The following RNF41 variants were observed in gnomAD, a reference collection of about 807,000 sequenced individuals.
The protein encoded by RNF41 is ring finger protein 41, also known as E3 ubiquitin-protein ligase NRDP1.
A neutral mutation model predicts 33.0 loss-of-function variants in RNF41; 4 were observed. The ratio of observed to expected loss-of-function variants is 0.12; its 90% confidence interval spans 0.06 to 0.28. The LOEUF (loss-of-function observed/expected upper bound fraction) is 0.28. RNF41 is among the 10% of genes least tolerant of loss of function. The probability of loss-of-function intolerance (pLI) is 1.00; values close to 1 mark genes in which losing one functional copy is unlikely to be tolerated. For synonymous variants in RNF41, 164 were observed against 153.2 expected (o/e 1.07, Z -0.52); for missense variants, 228 against 432.6 (o/e 0.53, Z 4.19).
chr12:56,203,062 T>TA lies in RNF41; in HGVS notation c.*3384_*3385insT, dbSNP rs1878658528. The TA allele has an allele frequency of 2.0e-4, 1 of 4,958 alleles. No homozygotes were observed. The highest frequency in any genetic ancestry group is 0.016 in the Admixed American group (1 of 64). The allele number at this position is 4,958 out of a possible 1,614,324, so 0.3% of individuals were successfully genotyped here. On this transcript the variant is annotated 3_prime_UTR_variant, in exon 7 of 7. Coordinates refer to ENST00000345093, the MANE Select transcript of RNF41 (RefSeq NM_005785.4). ...AGCGCAGACTCAGCACAGAAATGCC[T>TA]TTTTTTTTTTTTTCAAGCCACTAGA...
chr12:56,206,810 T>C lies in RNF41; in HGVS notation c.603-12A>G. On this transcript the variant is annotated splice_polypyrimidine_tract_variant and intron_variant, in intron 6 of 6. Coordinates refer to ENST00000345093, the MANE Select transcript of RNF41 (RefSeq NM_005785.4). This position sits in a 1 kb window ranked among gnomAD's most constrained non-coding sequence, Gnocchi z 5.7. ...GGGAGTTCACCCACCTGTGTGGAGGTGGTTAAAGATGGTCATTCCAGCTCA... is the reference window on the plus strand; with the variant it reads ...GGGAGTTCACCCACCTGTGTGGAGGCGGTTAAAGATGGTCATTCCAGCTCA... 6.3e-7 allele frequency: 1 copy of C among 1,577,908 alleles called. No individual in the cohort carries two copies. The highest frequency in any genetic ancestry group is 1.4e-5 in the African/African-American group (1 of 73,990).
intron 2 of RNF41, among the ~76,000 whole-genome samples, chr12:56,214,839 GA>G (rs1007648703): frequency 2.0e-5 from 3 of 151,486 alleles, no homozygotes. Context: ...AAAAAAAAAA[GA>G]AAAAAAGAAA....
At chr12:56,214,182 G>A in intron 2 of RNF41, 112 bp from the exon 3 acceptor site, 2 of 698,906 alleles carry the variant, frequency 2.9e-6, no homozygotes, top group Non-Finnish European at 2.6e-6. Flanking sequence ...TTTACTGGGA[G>A]TCTACTATGC....
Position 56,204,142 on chromosome 12 carries a change from A to C in RNF41, c.*2305T>G, listed in dbSNP as rs1463366945. 2.0e-5 allele frequency: 3 copies of C among 152,216 alleles called. No homozygotes were observed. Among genetic ancestry groups the C allele is most frequent in the Non-Finnish European group, 4.4e-5 (3 of 68,042 alleles). The allele number at this position is 152,216 out of a possible 1,614,324, so 9.4% of individuals were successfully genotyped here. A position where few individuals can be genotyped will look rare whatever the true frequency, so the allele number is the denominator to read the frequency against. ...CAAAGGAATTCTAGATTCTAAAGCA[A>C]AGTTGCTTGTGGGACAAAGGAAAAA... On this transcript the variant is annotated 3_prime_UTR_variant, in exon 7 of 7. Coordinates refer to ENST00000345093, the MANE Select transcript of RNF41 (RefSeq NM_005785.4).
chr12:56,208,865 CTTTTT>C (rs751108778), intron 4 of RNF41, among the ~76,000 whole-genome samples: 1 of 127,476 alleles, frequency 7.8e-6, no homozygotes, highest in African/African-American at 2.9e-5. Context: ...CGCGCCTGGC[CTTTTT>C]TTTTTTTTTT....
rs764078054 is a variant in RNF41 at position 56,205,311 on chromosome 12, G to T, written c.*1136C>A. The T allele has an allele frequency of 1.3e-5, 2 of 152,158 alleles. No homozygotes were observed. Among genetic ancestry groups the T allele is most frequent in the African/African-American group, 2.4e-5 (1 of 41,406 alleles). The allele number at this position is 152,158 out of a possible 1,614,324, so 9.4% of individuals were successfully genotyped here. On this transcript the variant is annotated 3_prime_UTR_variant, in exon 7 of 7. Transcript: ENST00000345093. ...GTTACAGAGGTTTGGGGCAGATATC[G>T]TAAGTTCAGCCGAGGACTCCCTTGG...
intron 6 of RNF41, among the ~76,000 whole-genome samples, 180 bp downstream of exon 6, chr12:56,207,466 T>C (rs1322615308): frequency 1.3e-5 from 2 of 152,326 alleles, no homozygotes; most frequent in Non-Finnish European, 2.9e-5. Context: ...TAAGACATCC[T>C]GTAGTGGAGC....
chr12:56,216,105 G>C (rs1189220235), intron 2 of RNF41, among the ~76,000 whole-genome samples: 1 of 151,180 alleles, frequency 6.6e-6, no homozygotes, highest in Non-Finnish European at 1.5e-5. Flanking sequence ...CTAGGCGACA[G>C]AGCAAGACTC....
chr12:56,209,355 G>A (rs1039859344), intron 4 of RNF41, among the ~76,000 whole-genome samples: 6 of 150,674 alleles, frequency 4.0e-5, no homozygotes, highest in Non-Finnish European at 8.9e-5. Flanking sequence ...GCAATGGCGC[G>A]ATCTCAGCTC....
chr12:56,209,208 C>T (rs1259987775), intron 4 of RNF41, among the ~76,000 whole-genome samples: 1 of 152,146 alleles, frequency 6.6e-6, no homozygotes, highest in Non-Finnish European at 1.5e-5. Flanking sequence ...CTGCACAGCT[C>T]TCCTTTTCCT....
intron 3 of RNF41, chr12:56,213,180 A>G: frequency 8.2e-7 from 1 of 1,214,816 alleles, no homozygotes; most frequent in Non-Finnish European, 1.1e-6. Context: ...CAGTACATAC[A>G]GTTCCCCACT....
intron 3 of RNF41, among the ~76,000 whole-genome samples, chr12:56,212,521 C>A (rs1486645960): frequency 2.6e-5 from 4 of 152,018 alleles, no homozygotes; most frequent in African/African-American, 9.7e-5. Context: ...AAGTGACTTG[C>A]CTAAAATGAT....
At chr12:56,213,839 G>A in intron 3 of RNF41, 119 bp downstream of exon 3, 1 of 745,368 alleles carries the variant, frequency 1.3e-6, no homozygotes. Flanking sequence ...AATCTCTATT[G>A]GGTGAGGGTG....
At chr12:56,208,979 C>A (rs1056377796) in intron 4 of RNF41, among the ~76,000 whole-genome samples, 3 of 151,300 alleles carry the variant, frequency 2.0e-5, no homozygotes, top group African/African-American at 7.3e-5. Flanking sequence ...ATTCTTGTGC[C>A]TCAGCCTCCC....
rs1868661568 is a variant in RNF41, at chr12:56,213,890, C to T, written c.90+68G>A. 14 of 1,008,092 alleles carry T rather than the reference C, an allele frequency of 1.4e-5. No individual in the cohort carries two copies. In the South Asian group the frequency reaches 1.5e-4, roughly 11 times the overall value. 62.4% of individuals were successfully genotyped at this position (1,008,092 alleles called of 1,614,324 possible). ...TGACTTCACCATGGGTCCCGCTGCC[C>T]ATGAATATTTTCTACTAGTTCCACT... On this transcript the variant is annotated intron_variant, in intron 3 of 6. Transcript: ENST00000345093.
Position 56,206,369 on chromosome 12 carries a change from G to C in RNF41, c.*78C>G. On this transcript the variant is annotated 3_prime_UTR_variant, in exon 7 of 7. Coordinates refer to ENST00000345093, the MANE Select transcript of RNF41 (RefSeq NM_005785.4). This position sits in a 1 kb window ranked among gnomAD's most constrained non-coding sequence, Gnocchi z 5.7. ...ATAAGCCACAGTATTAAGAATGGTG[G>C]GTAGGACTCAGGTCCCAGCTGCTGG... 2.4e-6 allele frequency: 3 copies of C among 1,225,534 alleles called. No homozygotes were observed. Among genetic ancestry groups the C allele is most frequent in the Non-Finnish European group, 2.3e-6 (2 of 859,466 alleles). The allele number at this position is 1,225,534 out of a possible 1,614,324, so 75.9% of individuals were successfully genotyped here. A position where few individuals can be genotyped will look rare whatever the true frequency, so the allele number is the denominator to read the frequency against.
At chr12:56,207,441 A>G (rs1207154432) in intron 6 of RNF41, 3 of 763,612 alleles carry the variant, frequency 3.9e-6, no homozygotes, top group East Asian at 2.8e-5. Flanking sequence ...CTTTCCCTCC[A>G]TCCACCCAAA....
At chr12:56,208,322 G>A (rs763964578) in intron 4 of RNF41, 24 bp from the exon 5 acceptor site, 3 of 1,613,578 alleles carry the variant, frequency 1.9e-6, no homozygotes, top group Non-Finnish European at 1.7e-6. Flanking sequence ...TGGGGAAAGA[G>A]CAGAACAGAG....
chr12:56,208,031 G>T, intron 5 of RNF41, 132 bp downstream of exon 5: 2 of 1,109,162 alleles, frequency 1.8e-6, no homozygotes, highest in Non-Finnish European at 1.3e-6. Context: ...TAAGCCACAG[G>T]CAGAATATCC....
Sources: allele counts gnomAD v4.1 joint callset (sites outside exome capture counted in the v4.1 genomes callset), GRCh38; gene constraint gnomAD v4.1.1; non-coding constraint Gnocchi (gnomAD v3.1); transcripts MANE v1.5; gene names NCBI Gene and HGNC (gene_info 2026-07-23, HGNC 2026-07-21).